CLSTN2: variants seen among roughly 807,000 people sequenced by gnomAD.
CLSTN2 encodes calsyntenin 2, also known as calsyntenin-2.
CLSTN2 carries 48 observed loss-of-function variants against 101.2 expected under a neutral mutation model. That is an observed-to-expected ratio of 0.47 (90% CI 0.38 to 0.60). CLSTN2 has a LOEUF of 0.60. Among genes scored for constraint, CLSTN2 ranks in the 20% least tolerant of loss-of-function variants. The pLI is 0.00. For synonymous variants in CLSTN2, 481 were observed against 463.6 expected, an observed-to-expected ratio of 1.04 and a Z score of -0.48; for missense variants, 1,160 against 1,238.2, an observed-to-expected ratio of 0.94 and a Z score of 0.95.
intron 1 of CLSTN2, among the ~76,000 whole-genome samples, chr3:140,007,632 G>A (rs1339250381): frequency 6.6e-6 from 1 of 152,214 alleles, no homozygotes; most frequent in Non-Finnish European, 1.5e-5. Flanking sequence ...CCCACTCAGA[G>A]TGAGCTTGCA....
At chr3:140,479,823 T>C (rs1325018245) in intron 8 of CLSTN2, among the ~76,000 whole-genome samples, 4 of 152,208 alleles carry the variant, frequency 2.6e-5, no homozygotes, top group Non-Finnish European at 5.9e-5. Flanking sequence ...AAACTTACTA[T>C]GTTTGATTCA....
intron 2 of CLSTN2, among the ~76,000 whole-genome samples, chr3:140,343,738 T>A (rs1479478938): frequency 6.6e-6 from 1 of 152,238 alleles, no homozygotes; most frequent in Non-Finnish European, 1.5e-5. Flanking sequence ...TTACACTGAG[T>A]AAGTTTATAC....
chr3:140,048,955 G>A (rs185196107), intron 1 of CLSTN2, among the ~76,000 whole-genome samples: 4 of 152,190 alleles, frequency 2.6e-5, no homozygotes, highest in East Asian at 1.9e-4. Context: ...TTTGACCAGC[G>A]GCACTGCTCT....
At chr3:140,208,841 G>A (rs1019594635) in intron 2 of CLSTN2, among the ~76,000 whole-genome samples, 1 of 152,158 alleles carries the variant, frequency 6.6e-6, no homozygotes, top group Non-Finnish European at 1.5e-5. Flanking sequence ...GTAGTTGGGA[G>A]AATAAAGGGA....
chr3:140,249,420 G>T (rs1172317799), intron 2 of CLSTN2, among the ~76,000 whole-genome samples: 1 of 152,112 alleles, frequency 6.6e-6, no homozygotes, highest in African/African-American at 2.4e-5. Flanking sequence ...ATGTTGCTTT[G>T]GGGGCTGGAG....
chr3:140,258,583 T>C (rs949835228), intron 2 of CLSTN2, among the ~76,000 whole-genome samples: 4 of 152,238 alleles, frequency 2.6e-5, no homozygotes, highest in African/African-American at 7.2e-5. Context: ...TGCTGTGATA[T>C]GTATTTGCTC....
intron 2 of CLSTN2, among the ~76,000 whole-genome samples, chr3:140,348,820 TC>T (rs996947709): frequency 1.3e-5 from 2 of 152,132 alleles, no homozygotes; most frequent in African/African-American, 4.8e-5. Context: ...AAGATACACA[TC>T]CACAAACACA....
At chr3:140,238,629 C>T (rs2086435514) in intron 2 of CLSTN2, among the ~76,000 whole-genome samples, 1 of 152,154 alleles carries the variant, frequency 6.6e-6, no homozygotes, top group Non-Finnish European at 1.5e-5. Context: ...TTTGGCCCAA[C>T]TTTTACAACA....
At chr3:140,528,352 T>C (rs1343969725) in intron 8 of CLSTN2, among the ~76,000 whole-genome samples, 1 of 152,146 alleles carries the variant, frequency 6.6e-6, no homozygotes, top group Non-Finnish European at 1.5e-5. Flanking sequence ...TGCAGCCTTA[T>C]TGCACACTCT....
rs542363552 is a variant in CLSTN2, at chr3:140,441,721, CG to C, written c.788-6797del. On this transcript the variant is annotated intron_variant, in intron 5 of 16. Coordinates refer to ENST00000458420, the MANE Select transcript of CLSTN2 (RefSeq NM_022131.3). The stretch of plus-strand genomic sequence containing the variant: ...GGCCACGCAGAGAGAGGAGAGAAGG[CG>C]AATCTCAGAAGTCAGCTTCTGTCAC... Among the ~76,000 whole-genome samples, 593 of 152,292 alleles carry C rather than the reference CG, an allele frequency of 3.9e-3. 8 individuals are homozygous for C. The highest frequency in any genetic ancestry group is 0.014 in the African/African-American group (572 of 41,568).
intron 9 of CLSTN2, among the ~76,000 whole-genome samples, chr3:140,539,689 G>C (rs1935433901): frequency 6.6e-6 from 1 of 152,186 alleles, no homozygotes; most frequent in Non-Finnish European, 1.5e-5. Flanking sequence ...GCAGTGCTGA[G>C]CATCTTACAT....
intron 2 of CLSTN2, among the ~76,000 whole-genome samples, chr3:140,284,236 T>G (rs1482403856): frequency 6.6e-6 from 1 of 152,044 alleles, no homozygotes; most frequent in African/African-American, 2.4e-5. Context: ...AAATCTAAAT[T>G]CTATTATTTT....
At chr3:140,312,100 G>C (rs970334018) in intron 2 of CLSTN2, among the ~76,000 whole-genome samples, 3 of 152,166 alleles carry the variant, frequency 2.0e-5, no homozygotes, top group African/African-American at 7.2e-5. Context: ...CAAATGCTTG[G>C]AAGCCATGCA....
intron 1 of CLSTN2, among the ~76,000 whole-genome samples, chr3:140,120,352 A>AGG (rs1170470075): frequency 6.6e-6 from 1 of 152,220 alleles, no homozygotes; most frequent in East Asian, 1.9e-4. Context: ...AGAAACATGT[A>AGG]GAGTGAGGTA....
At chr3:140,547,893 C>T (rs961842882) in intron 10 of CLSTN2, among the ~76,000 whole-genome samples, 1 of 152,212 alleles carries the variant, frequency 6.6e-6, no homozygotes, top group African/African-American at 2.4e-5. Context: ...CAGGACAGCC[C>T]CATGAAGCCC....
At chr3:140,458,189 G>A (rs1448745041) in intron 6 of CLSTN2, among the ~76,000 whole-genome samples, 1 of 146,736 alleles carries the variant, frequency 6.8e-6, no homozygotes, top group African/African-American at 2.5e-5. Flanking sequence ...TTTTTGTAGT[G>A]GCTGACTTTG....
chr3:140,113,504 CCTACTCTTGGCACCAA>C (rs1442673703), intron 1 of CLSTN2, among the ~76,000 whole-genome samples: 1 of 152,220 alleles, frequency 6.6e-6, no homozygotes, highest in African/African-American at 2.4e-5. Flanking sequence ...AATCTCCTGT[CCTACTCTTGGCACCAA>C]CTACATTCCT....
At chr3:140,050,712 C>T (rs1019928014) in intron 1 of CLSTN2, among the ~76,000 whole-genome samples, 14 of 152,156 alleles carry the variant, frequency 9.2e-5, no homozygotes, top group Admixed American at 2.0e-4. Context: ...GGAGAGGGAG[C>T]TTGGATGAAG....
intron 1 of CLSTN2, among the ~76,000 whole-genome samples, chr3:139,955,139 T>TATATATATATATATATAA (rs1935370868): frequency 7.2e-6 from 1 of 139,860 alleles, no homozygotes; most frequent in Non-Finnish European, 1.5e-5. Context: ...TATATATATA[T>TATATATATATATATATAA]GGCAATTCCA....
Sources: gnomAD v4.1 joint callset for allele counts (sites outside exome capture counted in the v4.1 genomes callset) on GRCh38, gnomAD v4.1.1 for gene constraint, MANE v1.5 for transcripts, NCBI Gene and HGNC (gene_info 2026-07-23, HGNC 2026-07-21) for gene names.